Variants in TFEB observed in about 807,000 individuals in gnomAD.
TFEB encodes the protein T-cell transcription factor EB.
Under a neutral mutation model 48.0 loss-of-function variants are expected in TFEB, and 12 were observed. The ratio of observed to expected loss-of-function variants is 0.25; its 90% CI spans 0.16 to 0.40. The LOEUF (loss-of-function observed/expected upper bound fraction) is 0.40. Among genes scored for constraint, TFEB ranks in the 10% least tolerant of loss-of-function variants. TFEB has a pLI of 1.00. For missense variants in TFEB, 509 were observed against 640.3 expected, an observed-to-expected ratio of 0.79 and a Z score of 2.21; for synonymous variants, 244 against 261.4, an observed-to-expected ratio of 0.93 and a Z score of 0.64.
chr6:41,698,939 G>A (rs1488618061), intron 1 of TFEB, among the ~76,000 whole-genome samples: 1 of 152,218 alleles, frequency 6.6e-6, no homozygotes, highest in African/African-American at 2.4e-5. Flanking sequence ...TTACGGAGGT[G>A]GTCATGAGTC....
intron 1 of TFEB, among the ~76,000 whole-genome samples, chr6:41,698,468 G>GA (rs1029938347): frequency 1.3e-5 from 2 of 151,644 alleles, no homozygotes; most frequent in Admixed American, 6.6e-5. Flanking sequence ...AACACAGGCA[G>GA]AAAAAAAAAT....
chr6:41,698,739 C>T (rs1034903108), intron 1 of TFEB, among the ~76,000 whole-genome samples: 1 of 152,160 alleles, frequency 6.6e-6, no homozygotes, highest in Non-Finnish European at 1.5e-5. Flanking sequence ...TTCGAGATTC[C>T]TGGAGGCAAA....
intron 7 of TFEB, chr6:41,686,448 C>T: frequency 2.0e-6 from 1 of 510,938 alleles, no homozygotes; most frequent in Non-Finnish European, 3.4e-6. Context: ...TCTCATGAAA[C>T]CAGGCAATTC....
chr6:41,733,977 G>GACACCTCTGGGGT, intron 1 of TFEB: 3 of 623,018 alleles, frequency 4.8e-6, no homozygotes, highest in Non-Finnish European at 6.0e-6. Context: ...ACACCCCAGA[G>GACACCTCTGGGGT]GTGTCACTGG....
intron 1 of TFEB, among the ~76,000 whole-genome samples, chr6:41,710,678 G>A (rs1194277515): frequency 6.6e-6 from 1 of 152,052 alleles, no homozygotes; most frequent in African/African-American, 2.4e-5. Flanking sequence ...CGCTCTAGTT[G>A]GGCCTCCAAA....
At chr6:41,715,460 G>A (rs990294443) in intron 1 of TFEB, among the ~76,000 whole-genome samples, 29 of 152,006 alleles carry the variant, frequency 1.9e-4, no homozygotes, top group African/African-American at 6.3e-4. Context: ...ACCTGAGGTC[G>A]GGAGTTCGAG....
In TFEB at chr6:41,687,972, G is replaced by A. The variant is rs1192681106; in HGVS notation, c.606C>T (p.Ala202=). ...AGCTGCTGGTGACGCCCACCAGGGA[G>A]GCTGTGACCTGGGGGTCGCTGCTGT... The part of the protein sequence containing the change: ...NVYSSDPQVT[A]SLVGVTSSSC... Residue 202 remains alanine (A), a synonymous_variant, in exon 5 of 9, where the codon GCC becomes GCT. Coordinates refer to ENST00000373033, the MANE Select transcript of TFEB (RefSeq NM_001271944.2). 6.2e-7 allele frequency: 1 copy of A among 1,614,010 alleles called. No individual in the cohort carries two copies. The highest frequency in any genetic ancestry group is 8.5e-7 in the Non-Finnish European group (1 of 1,179,960).
intron 1 of TFEB, chr6:41,735,116 G>A (rs1293981188): frequency 1.0e-6 from 1 of 979,494 alleles, no homozygotes; most frequent in Non-Finnish European, 1.2e-6. Context: ...CGCGCCTGAA[G>A]GGAGGGGCCG....
In TFEB at chr6:41,686,794, G is replaced by A. The variant is rs149278208; in HGVS notation, c.803+300C>T. 1.1e-4 allele frequency: 47 copies of A among 444,502 alleles called. No homozygotes were observed. In the East Asian group the frequency reaches 2.0e-3, roughly 19 times the overall value. 27.5% of individuals were successfully genotyped at this position (444,502 alleles called of 1,614,324 possible). ...GCTTCCCACAGTGCTGGGATTATAG[G>A]CGTGAGCCCGGCCTCTTGTCTGCCA... On this transcript the variant is annotated intron_variant, in intron 7 of 8. Transcript: ENST00000373033.
chr6:41,725,267 T>A (rs1403577323), intron 1 of TFEB, among the ~76,000 whole-genome samples: 2 of 152,200 alleles, frequency 1.3e-5, no homozygotes, highest in Non-Finnish European at 2.9e-5. Flanking sequence ...TTTAGTGGTA[T>A]CCCTGGCCAA....
chr6:41,704,673 CTT>C (rs1432359755), intron 1 of TFEB, among the ~76,000 whole-genome samples: 2 of 152,248 alleles, frequency 1.3e-5, no homozygotes, highest in Non-Finnish European at 2.9e-5. Context: ...ATTAAAGACA[CTT>C]TACTTGTTGC....
At chr6:41,733,544 T>C (rs1771538337) in intron 1 of TFEB, 1 of 900,134 alleles carries the variant, frequency 1.1e-6, no homozygotes. Context: ...CTGCCCTTCA[T>C]TTACACCCTC....
Position 41,684,492 on chromosome 6 carries a change from A to C in TFEB, c.*107T>G. 7.5e-7 allele frequency: 1 copy of C among 1,332,332 alleles called. No individual in the cohort carries two copies. Among genetic ancestry groups the C allele is most frequent in the South Asian group, 1.7e-5 (1 of 58,576 alleles). 82.5% of individuals were successfully genotyped at this position (1,332,332 alleles called of 1,614,324 possible). A position where few individuals can be genotyped will look rare whatever the true frequency, so the allele number is the denominator to read the frequency against. ...CCAACGGGGAGGAGGGAGGCAGGGC[A>C]GGTGGCTACTTCACACACAGTGCAG... On this transcript the variant is annotated 3_prime_UTR_variant, in exon 9 of 9. Transcript: ENST00000373033.
At position 41,734,729 on chromosome 6, in the gene TFEB, CA is replaced by C. The variant is rs1284490055; in HGVS notation, c.-23+620del. On this transcript the variant is annotated intron_variant, in intron 1 of 8. Transcript: ENST00000373033. This position sits in a 1 kb window ranked among gnomAD's most constrained non-coding sequence, Gnocchi z 4.0. Reference sequence around the variant, plus strand: ...GCCCAGGGACTCGAGGGGACGGGGCCAGGGGCGGCTTCTTCAAGAGACCGAG... The same window carrying C: ...GCCCAGGGACTCGAGGGGACGGGGCCGGGGCGGCTTCTTCAAGAGACCGAG... Among the ~76,000 whole-genome samples the C allele has an allele frequency of 6.6e-6, 1 of 151,904 alleles. No homozygotes were observed. The highest frequency in any genetic ancestry group is 1.5e-5 in the Non-Finnish European group (1 of 67,948).
At chr6:41,712,656 G>A (rs950178386) in intron 1 of TFEB, among the ~76,000 whole-genome samples, 1 of 152,210 alleles carries the variant, frequency 6.6e-6, no homozygotes, top group Non-Finnish European at 1.5e-5. Flanking sequence ...ACTGGCAGGG[G>A]CTGCTGAGGA....
At chr6:41,703,632 A>G (rs922024578) in intron 1 of TFEB, among the ~76,000 whole-genome samples, 1 of 152,244 alleles carries the variant, frequency 6.6e-6, no homozygotes, top group Non-Finnish European at 1.5e-5. Context: ...GACAGTGGAG[A>G]GGGGAATGGA....
At chr6:41,687,530 A>G (rs1769073356) in intron 6 of TFEB, among the ~76,000 whole-genome samples, 2 of 152,246 alleles carry the variant, frequency 1.3e-5, no homozygotes, top group Non-Finnish European at 2.9e-5. Context: ...TATCCCTTAC[A>G]GGAATCCTTC....
At chr6:41,716,425 C>T (rs1304040206) in intron 1 of TFEB, among the ~76,000 whole-genome samples, 1 of 152,200 alleles carries the variant, frequency 6.6e-6, no homozygotes, top group African/African-American at 2.4e-5. Context: ...GGAAACCTAT[C>T]TGATGAGCAC....
chr6:41,717,284 A>G (rs1244515247), intron 1 of TFEB, among the ~76,000 whole-genome samples: 1 of 152,094 alleles, frequency 6.6e-6, no homozygotes, highest in Non-Finnish European at 1.5e-5. Flanking sequence ...TGGCCGGGGG[A>G]GGGGATCAGA....
Sources: allele counts gnomAD v4.1 joint callset (sites outside exome capture counted in the v4.1 genomes callset), GRCh38; gene constraint gnomAD v4.1.1; non-coding constraint Gnocchi (gnomAD v3.1); transcripts MANE v1.5; gene names NCBI Gene and HGNC (gene_info 2026-07-23, HGNC 2026-07-21).